NME9: variants seen among roughly 807,000 people sequenced by gnomAD.
The protein encoded by NME9 is NME/NM23 family member 9.
Under a neutral mutation model 44.4 loss-of-function variants are expected in NME9, and 48 were observed. The observed-to-expected ratio is 1.08, with a 90% CI of 0.86 to 1.37. The LOEUF is 1.37. Among genes scored for constraint, NME9 ranks in the 40% most tolerant of loss-of-function variants. The pLI is 0.00. For synonymous variants in NME9, 139 were observed against 147.1 expected (o/e 0.94, Z 0.40); for missense variants, 325 against 405.2 (o/e 0.80, Z 1.70).
chr3:138,301,857 ATAAAT>A (rs1209171996), intron 10 of NME9, among the ~76,000 whole-genome samples, 153 bp from the exon 11 acceptor site: 1 of 152,236 alleles, frequency 6.6e-6, no homozygotes, highest in East Asian at 1.9e-4. Flanking sequence ...CAGGAATTAA[ATAAAT>A]TAGAATGGAT....
chr3:138,262,063 G>A, exon 9 of NME9: 1 of 153,546 alleles, frequency 6.5e-6, no homozygotes, highest in Non-Finnish European at 1.5e-5. Flanking sequence ...GTCATGTTTG[G>A]TGGTTTTTCT....
intron 10 of NME9, among the ~76,000 whole-genome samples, chr3:138,302,960 A>G (rs2051948110): frequency 6.6e-6 from 1 of 152,232 alleles, no homozygotes; most frequent in Non-Finnish European, 1.5e-5. Flanking sequence ...TGGAGGTGGC[A>G]TTGCCACCTG....
rs78087487 is a variant in NME9, at chr3:138,277,085, G to A, written c.746-14499C>T. 8.3e-4 allele frequency among the ~76,000 whole-genome samples: 127 copies of A among 152,200 alleles called. 4 individuals are homozygous for A. The East Asian group carries it at 0.014, about 17-fold the overall frequency. Reference sequence around the variant, plus strand: ...TTAGCAAAAAAAGATAGCACATATCGACCAATGGAACAGACTAGAGAGTCC... The same window carrying A: ...TTAGCAAAAAAAGATAGCACATATCAACCAATGGAACAGACTAGAGAGTCC... On this transcript the variant is annotated intron_variant, in intron 8 of 8. Coordinates refer to the NME9 transcript ENST00000317876.
chr3:138,274,147 G>T (rs1222604077), intron 8 of NME9, among the ~76,000 whole-genome samples: 8 of 151,682 alleles, frequency 5.3e-5, no homozygotes, highest in East Asian at 3.9e-4. Context: ...AATATATTTG[G>T]GTTTGAGGAC....
At chr3:138,264,698 A>G (rs994199648) in intron 8 of NME9, among the ~76,000 whole-genome samples, 2 of 151,810 alleles carry the variant, frequency 1.3e-5, no homozygotes, top group African/African-American at 2.4e-5. Context: ...GATTACAGGC[A>G]TGAGCCACTG....
At chr3:138,308,874 T>C (rs1163132199) in intron 6 of NME9, among the ~76,000 whole-genome samples, 2 of 142,088 alleles carry the variant, frequency 1.4e-5, no homozygotes, top group East Asian at 4.1e-4. Context: ...CCAATTTATC[T>C]AGCAACAGGC....
At chr3:138,274,494 G>T (rs777119112) in intron 8 of NME9, 7 of 1,613,120 alleles carry the variant, frequency 4.3e-6, no homozygotes, top group Non-Finnish European at 5.9e-6. Context: ...AATTATGCAA[G>T]CCGTCACTCT....
chr3:138,306,767 G>A (rs531005618), intron 6 of NME9, among the ~76,000 whole-genome samples: 11 of 152,234 alleles, frequency 7.2e-5, no homozygotes, highest in Non-Finnish European at 1.5e-4. Flanking sequence ...GGTGGCAGAG[G>A]AGGAACATGG....
chr3:138,311,900 C>T (rs1031349727), intron 6 of NME9, among the ~76,000 whole-genome samples: 8 of 152,136 alleles, frequency 5.3e-5, no homozygotes, highest in East Asian at 3.9e-4. Flanking sequence ...AACTGATAAA[C>T]GAAATCAGTG....
chr3:138,281,221 T>G (rs529113191), intron 8 of NME9, among the ~76,000 whole-genome samples: 259 of 152,100 alleles, frequency 1.7e-3, no homozygotes, highest in African/African-American at 5.8e-3. Context: ...GGTGTGGGTG[T>G]GTGTGTGTGT....
chr3:138,301,762 G>T, intron 10 of NME9, 58 bp from the exon 11 acceptor site: 1 of 1,341,058 alleles, frequency 7.5e-7, no homozygotes, highest in Non-Finnish European at 1.0e-6. Flanking sequence ...CAGACCTTCT[G>T]TCCCACCCAC....
At chr3:138,302,600 G>A (rs530664645) in intron 10 of NME9, among the ~76,000 whole-genome samples, 11 of 152,268 alleles carry the variant, frequency 7.2e-5, no homozygotes, top group Middle Eastern at 3.4e-3. Context: ...TCTGTGGCAC[G>A]CTCAGCTTGT....
chr3:138,293,841 C>T (rs2051216339), intron 8 of NME9, among the ~76,000 whole-genome samples: 1 of 152,134 alleles, frequency 6.6e-6, no homozygotes, highest in South Asian at 2.1e-4. Flanking sequence ...TAGGCCTTAC[C>T]AGCATCAAGT....
intron 8 of NME9, among the ~76,000 whole-genome samples, chr3:138,281,670 G>C (rs1375379400): frequency 6.6e-6 from 1 of 152,110 alleles, no homozygotes; most frequent in Non-Finnish European, 1.5e-5. Context: ...AAACAGAACT[G>C]TACCTCACTT....
chr3:138,318,305 A>G, intron 3 of NME9, 86 bp from the exon 4 acceptor site: 3 of 877,420 alleles, frequency 3.4e-6, no homozygotes, highest in Non-Finnish European at 5.8e-6. Flanking sequence ...AGGGAACTGA[A>G]CACCCCCAGG....
chr3:138,286,661 T>C (rs2108368482), intron 8 of NME9, among the ~76,000 whole-genome samples: 1 of 152,316 alleles, frequency 6.6e-6, no homozygotes, highest in South Asian at 2.1e-4. Context: ...TTAATAGATC[T>C]AGGGTTATAG....
intron 9 of NME9, among the ~76,000 whole-genome samples, chr3:138,304,517 C>T (rs1040721004): frequency 1.3e-5 from 2 of 152,212 alleles, no homozygotes; most frequent in African/African-American, 4.8e-5. Context: ...GGCCCTGGCC[C>T]AGAGTCTCTG....
chr3:138,287,128 C>A (rs1042890908), intron 8 of NME9, among the ~76,000 whole-genome samples: 2 of 152,166 alleles, frequency 1.3e-5, no homozygotes, highest in Non-Finnish European at 1.5e-5. Context: ...TCCCTTCAGC[C>A]CAACTGGTCT....
downstream of NME9, chr3:138,297,943 A>G (rs187217179): frequency 9.2e-5 from 14 of 152,374 alleles, no homozygotes; most frequent in African/African-American, 3.4e-4. Flanking sequence ...TGAAGGCCCA[A>G]TGAAATAACA....
Sources: allele counts gnomAD v4.1 joint callset (sites outside exome capture counted in the v4.1 genomes callset), GRCh38; gene constraint gnomAD v4.1.1; transcripts MANE v1.5; gene names NCBI Gene and HGNC (gene_info 2026-07-23, HGNC 2026-07-21).